The following SH3GL2 variants were observed in gnomAD, a reference collection of about 807,000 sequenced individuals.
SH3GL2 encodes endophilin-A1.
In SH3GL2, 24 loss-of-function variants were observed where a neutral mutation model predicts 46.0. The ratio of observed to expected loss-of-function variants is 0.52; its 90% CI spans 0.38 to 0.73. SH3GL2 has a LOEUF of 0.73. Among genes scored for constraint, SH3GL2 ranks in the 30% least tolerant of loss-of-function variants. The pLI, the probability that SH3GL2 is intolerant of heterozygous loss-of-function variation, is 0.00. For missense variants in SH3GL2, 413 were observed against 424.2 expected (o/e 0.97, Z 0.23); for synonymous variants, 196 against 147.1 (o/e 1.33, Z -2.40).
At chr9:17,745,225 A>T (rs1365750370) in intron 1 of SH3GL2, among the ~76,000 whole-genome samples, 2 of 152,184 alleles carry the variant, frequency 1.3e-5, no homozygotes, top group African/African-American at 4.8e-5. Flanking sequence ...ATAACCTTTC[A>T]CTTTGAATCA....
At chr9:17,593,961 T>G (rs1818527811) in intron 1 of SH3GL2, among the ~76,000 whole-genome samples, 1 of 152,198 alleles carries the variant, frequency 6.6e-6, no homozygotes, top group Non-Finnish European at 1.5e-5. Flanking sequence ...ATTTTCTCAG[T>G]TGCACAGCTG....
At chr9:17,751,475 T>C (rs1332571227) in intron 2 of SH3GL2, among the ~76,000 whole-genome samples, 6 of 131,540 alleles carry the variant, frequency 4.6e-5, no homozygotes, top group Non-Finnish European at 8.3e-5. Context: ...TGTTTTTGTG[T>C]GTGCGTGTGT....
At chr9:17,770,227 A>C (rs549783196) in intron 3 of SH3GL2, among the ~76,000 whole-genome samples, 5 of 152,340 alleles carry the variant, frequency 3.3e-5, no homozygotes, top group African/African-American at 1.2e-4. Context: ...TGAAGCTATT[A>C]ATAGACATTT....
chr9:17,667,854 G>T (rs557967946), intron 1 of SH3GL2, among the ~76,000 whole-genome samples: 2 of 152,222 alleles, frequency 1.3e-5, no homozygotes, highest in Admixed American at 1.3e-4. Flanking sequence ...ATCTTATTGG[G>T]TGTGAAATGG....
chr9:17,779,047 T>C (rs1449855617), intron 3 of SH3GL2, among the ~76,000 whole-genome samples: 1 of 152,024 alleles, frequency 6.6e-6, no homozygotes, highest in Admixed American at 6.6e-5. Context: ...CCTGCAGAGA[T>C]ACATGAGAAT....
intron 2 of SH3GL2, among the ~76,000 whole-genome samples, chr9:17,757,632 T>C (rs1359591475): frequency 6.6e-6 from 1 of 152,184 alleles, no homozygotes; most frequent in Non-Finnish European, 1.5e-5. Context: ...GCATCAAAAC[T>C]TACTTTCAAA....
intron 1 of SH3GL2, among the ~76,000 whole-genome samples, chr9:17,699,000 A>G (rs1563817546): frequency 6.6e-6 from 1 of 151,832 alleles, no homozygotes; most frequent in Non-Finnish European, 1.5e-5. Context: ...ACTAAAATAC[A>G]AAAAACTAGC....
intron 1 of SH3GL2, among the ~76,000 whole-genome samples, chr9:17,602,704 T>G (rs1818693047): frequency 6.6e-6 from 1 of 152,174 alleles, no homozygotes; most frequent in Non-Finnish European, 1.5e-5. Context: ...TATTTCTCCA[T>G]TTTTGGGGAA....
chr9:17,606,094 T>TTTG (rs544847560), intron 1 of SH3GL2, among the ~76,000 whole-genome samples: 10 of 151,772 alleles, frequency 6.6e-5, no homozygotes, highest in African/African-American at 2.4e-4. Context: ...GGTTTGTTTG[T>TTTG]TTGTTTGTTT....
At chr9:17,619,121 A>G (rs1376059138) in intron 1 of SH3GL2, among the ~76,000 whole-genome samples, 1 of 152,100 alleles carries the variant, frequency 6.6e-6, no homozygotes, top group Non-Finnish European at 1.5e-5. Flanking sequence ...ATCCCATTAT[A>G]CCTACTTTAC....
At chr9:17,663,944 T>G (rs1820284020) in intron 1 of SH3GL2, among the ~76,000 whole-genome samples, 1 of 152,218 alleles carries the variant, frequency 6.6e-6, no homozygotes, top group Non-Finnish European at 1.5e-5. Context: ...TTCTCTAGTC[T>G]CCATTTCTTG....
intron 1 of SH3GL2, among the ~76,000 whole-genome samples, chr9:17,640,010 A>G (rs1819636954): frequency 6.6e-6 from 1 of 152,142 alleles, no homozygotes; most frequent in Non-Finnish European, 1.5e-5. Context: ...GTACCAGGAA[A>G]CTTTTTAGGG....
At chr9:17,709,928 A>G (rs1192574996) in intron 1 of SH3GL2, among the ~76,000 whole-genome samples, 1 of 151,946 alleles carries the variant, frequency 6.6e-6, no homozygotes, top group East Asian at 1.9e-4. Flanking sequence ...ATAGAAATAT[A>G]TACCATTAAC....
intron 1 of SH3GL2, among the ~76,000 whole-genome samples, chr9:17,742,756 T>C (rs1429472708): frequency 3.9e-5 from 6 of 152,212 alleles, no homozygotes; most frequent in Non-Finnish European, 5.9e-5. Context: ...GTATAAAGTC[T>C]CAATGCTGTA....
At chr9:17,727,926 G>T (rs1822064370) in intron 1 of SH3GL2, among the ~76,000 whole-genome samples, 1 of 152,062 alleles carries the variant, frequency 6.6e-6, no homozygotes, top group Non-Finnish European at 1.5e-5. Context: ...TGCTTTGGAG[G>T]ACTCCAGACT....
intron 2 of SH3GL2, among the ~76,000 whole-genome samples, chr9:17,752,510 A>G (rs898030409): frequency 2.6e-5 from 4 of 151,972 alleles, no homozygotes; most frequent in African/African-American, 9.7e-5. Context: ...TTACTTACTT[A>G]TGTGGAGATT....
At chr9:17,784,929 T>C (rs1287096321) in intron 3 of SH3GL2, among the ~76,000 whole-genome samples, 1 of 152,136 alleles carries the variant, frequency 6.6e-6, no homozygotes, top group Admixed American at 6.6e-5. Context: ...GCCTTGCTGG[T>C]CTCAAACTCC....
At chr9:17,602,886 A>T (rs1322004256) in intron 1 of SH3GL2, among the ~76,000 whole-genome samples, 1 of 152,228 alleles carries the variant, frequency 6.6e-6, no homozygotes, top group Admixed American at 6.5e-5. Flanking sequence ...AGAAAAATCC[A>T]TCTTAAATCC....
chr9:17,688,511 G>T (rs1384484289), intron 1 of SH3GL2, among the ~76,000 whole-genome samples: 1 of 151,988 alleles, frequency 6.6e-6, no homozygotes, highest in Non-Finnish European at 1.5e-5. Flanking sequence ...CACACCTAGT[G>T]CTCAGCTCTG....
Sources: gnomAD v4.1 joint callset for allele counts (sites outside exome capture counted in the v4.1 genomes callset) on GRCh38, gnomAD v4.1.1 for gene constraint, MANE v1.5 for transcripts, NCBI Gene and HGNC (gene_info 2026-07-23, HGNC 2026-07-21) for gene names.